The following ABL1 variants were observed in gnomAD, a reference collection of about 807,000 sequenced individuals.
ABL1 encodes the protein ABL proto-oncogene 1, non-receptor tyrosine kinase, also known as tyrosine-protein kinase ABL1.
ABL1 carries 11 observed loss-of-function variants against 94.7 expected under a neutral mutation model. That is an observed-to-expected ratio of 0.12 (90% CI 0.07 to 0.19). The LOEUF (loss-of-function observed/expected upper bound fraction) is 0.19, where lower values mean the gene tolerates loss of function less well. Among genes scored for constraint, ABL1 ranks in the 10% least tolerant of loss-of-function variants. The probability of loss-of-function intolerance (pLI) is 1.00; values close to 1 mark genes in which losing one functional copy is unlikely to be tolerated. For synonymous variants in ABL1, 656 were observed against 622.4 expected (o/e 1.05, Z -0.80); for missense variants, 1,082 against 1,489.4 (o/e 0.73, Z 4.50).
chr9:130,791,979 C>A (rs537910667), intron 1 of ABL1, among the ~76,000 whole-genome samples: 1 of 152,172 alleles, frequency 6.6e-6, no homozygotes, highest in Admixed American at 6.5e-5. Context: ...GGAAATGACA[C>A]CAAGAAGGAA....
chr9:130,872,944 A>C lies in ABL1; in HGVS notation c.992A>C (p.Asn331Thr), dbSNP rs144448357. Residue 331 changes from asparagine (N) to threonine (T), a missense_variant, in exon 6 of 11, where the codon AAC (asparagine) becomes ACC (threonine). This residue lies in a region of ABL1 where 92 missense variants were observed against 212.3 expected (regional missense o/e 0.43). Coordinates refer to ENST00000318560, the MANE Select transcript of ABL1 (RefSeq NM_005157.6). The surrounding 1 kb of genome is among the most constrained non-coding windows in gnomAD (Gnocchi z 5.0). Reference sequence around the variant, plus strand: ...CTCCTGGACTACCTGAGGGAGTGCAACCGGCAGGAGGTGAACGCCGTGGTG... The same window carrying C: ...CTCCTGGACTACCTGAGGGAGTGCACCCGGCAGGAGGTGAACGCCGTGGTG... ...GNLLDYLREC[N>T]RQEVNAVVLL... 3.7e-6 allele frequency: 6 copies of C among 1,614,174 alleles called. No individual in the cohort carries two copies. The African/African-American group carries it at 6.7e-5, about 18-fold the overall frequency.
chr9:130,783,598 A>G (rs1157591739), intron 1 of ABL1, among the ~76,000 whole-genome samples: 2 of 152,198 alleles, frequency 1.3e-5, no homozygotes, highest in Admixed American at 1.3e-4. Flanking sequence ...TTCTAAGGAC[A>G]GAATTTAAGG....
intron 1 of ABL1, among the ~76,000 whole-genome samples, chr9:130,766,128 G>T (rs1437997067): frequency 6.6e-6 from 1 of 152,216 alleles, no homozygotes; most frequent in Admixed American, 6.5e-5. Flanking sequence ...GACTGTGAGG[G>T]CCCCGGGCCG....
chr9:130,885,027 A>G lies in ABL1; in HGVS notation c.2737A>G (p.Lys913Glu), dbSNP rs756505258. 8.1e-6 allele frequency: 13 copies of G among 1,611,356 alleles called. No individual in the cohort carries two copies. The highest frequency in any genetic ancestry group is 1.1e-5 in the Non-Finnish European group (13 of 1,179,426). Reference sequence around the variant, plus strand: ...AGCCTCTGCAGGGAAGGCTGGAGGAAAGCCCTCGCAGAGCCCGAGCCAGGA... The same window carrying G: ...AGCCTCTGCAGGGAAGGCTGGAGGAGAGCCCTCGCAGAGCCCGAGCCAGGA... ...PAASAGKAGG[K>E]PSQSPSQEAA... Residue 913 changes from lysine to glutamate, a missense_variant, in exon 11 of 11, where the codon AAG (lysine) becomes GAG (glutamate). By Grantham distance (56) the Lys-to-Glu change is moderately conservative. This residue lies in a region of ABL1 where 780 missense variants were observed against 835.8 expected (regional missense o/e 0.93). Transcript: ENST00000318560.
At chr9:130,785,178 T>C (rs1317596094) in intron 1 of ABL1, among the ~76,000 whole-genome samples, 1 of 152,196 alleles carries the variant, frequency 6.6e-6, no homozygotes, top group Non-Finnish European at 1.5e-5. Context: ...GGCAAGGTCA[T>C]GGTGGGAGGA....
intron 1 of ABL1, among the ~76,000 whole-genome samples, chr9:130,812,910 G>C (rs988458103): frequency 2.6e-5 from 4 of 152,202 alleles, no homozygotes; most frequent in African/African-American, 9.6e-5. Context: ...TCATTTTCTG[G>C]GCCATTTTAA....
chr9:130,783,919 G>A (rs1001334369), intron 1 of ABL1, among the ~76,000 whole-genome samples: 2 of 152,118 alleles, frequency 1.3e-5, no homozygotes, highest in Admixed American at 6.5e-5. Context: ...GCCTCCCAAA[G>A]TGCTGGGATT....
intron 1 of ABL1, among the ~76,000 whole-genome samples, chr9:130,799,074 G>T (rs529103306): frequency 2.4e-4 from 36 of 151,822 alleles, no homozygotes; most frequent in African/African-American, 8.7e-4. Flanking sequence ...GAGTTCAGAA[G>T]AGCACTTTGC....
At chr9:130,796,216 A>ATATGCAAC (rs1166952877) in intron 1 of ABL1, among the ~76,000 whole-genome samples, 21 of 150,816 alleles carry the variant, frequency 1.4e-4, no homozygotes, top group African/African-American at 4.9e-4. Flanking sequence ...TATAAAACAT[A>ATATGCAAC]TATGCAACTC....
intron 1 of ABL1, among the ~76,000 whole-genome samples, chr9:130,727,481 C>A (rs4740361): frequency 6.6e-6 from 1 of 151,702 alleles, no homozygotes. Flanking sequence ...GCATTTATTC[C>A]GCCGGGCGTG....
intron 1 of ABL1, among the ~76,000 whole-genome samples, chr9:130,827,406 G>A (rs1407784627): frequency 1.3e-5 from 2 of 152,146 alleles, no homozygotes; most frequent in Admixed American, 6.5e-5. Flanking sequence ...CAGTGGCTGT[G>A]CCCCTTCCAC....
intron 1 of ABL1, among the ~76,000 whole-genome samples, chr9:130,753,422 C>CTTT (rs71389347): frequency 5.8e-4 from 52 of 90,326 alleles, no homozygotes; most frequent in Non-Finnish European, 7.1e-4. Flanking sequence ...TTTTTCTTTT[C>CTTT]TTTTTTTTTT....
At chr9:130,811,998 A>G (rs1374940402) in intron 1 of ABL1, among the ~76,000 whole-genome samples, 1 of 151,622 alleles carries the variant, frequency 6.6e-6, no homozygotes, top group East Asian at 1.9e-4. Context: ...AAACAGGAAA[A>G]GCAAACAGAG....
chr9:130,842,278 A>G (rs754014080), intron 1 of ABL1, among the ~76,000 whole-genome samples: 3 of 152,228 alleles, frequency 2.0e-5, no homozygotes, highest in Non-Finnish European at 4.4e-5. Context: ...AATAGAGTCT[A>G]CGTAATAAGG....
intron 1 of ABL1, among the ~76,000 whole-genome samples, chr9:130,774,383 C>T (rs1832288078): frequency 6.6e-6 from 1 of 152,142 alleles, no homozygotes; most frequent in African/African-American, 2.4e-5. Flanking sequence ...TTAAGGGCTG[C>T]TGTTTGGGGA....
chr9:130,735,955 ATATATATT>A (rs1451736073), intron 1 of ABL1, among the ~76,000 whole-genome samples: 2 of 41,498 alleles, frequency 4.8e-5, no homozygotes, highest in South Asian at 8.4e-4. Context: ...ATATATATAT[ATATATATT>A]TTTTTTTTTT....
chr9:130,834,247 T>C (rs984566812), upstream of ABL1, among the ~76,000 whole-genome samples: 1 of 152,242 alleles, frequency 6.6e-6, no homozygotes, highest in Admixed American at 6.5e-5. Context: ...TCTTCATGGC[T>C]AGAAGATGTG....
chr9:130,805,025 A>G (rs989684208), intron 1 of ABL1, among the ~76,000 whole-genome samples: 4 of 152,164 alleles, frequency 2.6e-5, no homozygotes, highest in Non-Finnish European at 5.9e-5. Flanking sequence ...TCTGAAGTTA[A>G]TATGTCTTTT....
chr9:130,726,924 G>C (rs1831593923), intron 1 of ABL1, among the ~76,000 whole-genome samples: 1 of 152,152 alleles, frequency 6.6e-6, no homozygotes, highest in Non-Finnish European at 1.5e-5. Flanking sequence ...CATCACATAA[G>C]TTTTCATGTG....
Sources: allele counts gnomAD v4.1 joint callset (sites outside exome capture counted in the v4.1 genomes callset), GRCh38; gene constraint gnomAD v4.1.1; regional missense constraint gnomAD v4.1.1; non-coding constraint Gnocchi (gnomAD v3.1); transcripts MANE v1.5; gene names NCBI Gene and HGNC (gene_info 2026-07-23, HGNC 2026-07-21).